TTLL5: variants seen among roughly 807,000 people sequenced by gnomAD.
TTLL5 encodes the protein tubulin polyglutamylase TTLL5.
TTLL5 carries 132 observed loss-of-function variants against 168.4 expected under a neutral mutation model. The ratio of observed to expected loss-of-function variants is 0.78; its 90% CI spans 0.68 to 0.91. The LOEUF is 0.91. Ranked by LOEUF, TTLL5 falls within the 40% of genes least tolerant of loss-of-function variation. TTLL5 has a pLI of 0.00. For missense variants in TTLL5, 1,545 were observed against 1,581.5 expected, an observed-to-expected ratio of 0.98 and a Z score of 0.39; for synonymous variants, 546 against 558.6, an observed-to-expected ratio of 0.98 and a Z score of 0.32.
intron 29 of TTLL5, among the ~76,000 whole-genome samples, chr14:75,874,148 G>T (rs1566640483): frequency 1.3e-5 from 2 of 152,108 alleles, no homozygotes; most frequent in South Asian, 4.1e-4. Flanking sequence ...CTGGGGTGCA[G>T]TGGCTCGATC....
intron 12 of TTLL5, among the ~76,000 whole-genome samples, chr14:75,724,308 T>C (rs1413987783): frequency 6.6e-6 from 1 of 152,244 alleles, no homozygotes; most frequent in East Asian, 1.9e-4. Context: ...TTTATACATT[T>C]AATTTTTCTT....
chr14:75,867,859 C>T (rs564537606), intron 29 of TTLL5, among the ~76,000 whole-genome samples: 3 of 152,042 alleles, frequency 2.0e-5, no homozygotes, highest in Admixed American at 2.0e-4. Flanking sequence ...TATATTGATA[C>T]AGCCCAATGC....
intron 31 of TTLL5, among the ~76,000 whole-genome samples, chr14:75,940,857 T>G (rs2034579372): frequency 6.6e-6 from 1 of 152,238 alleles, no homozygotes; most frequent in South Asian, 2.1e-4. Context: ...TTGTGAGACT[T>G]AAGTATATCT....
chr14:75,711,174 T>C (rs1887050529), intron 9 of TTLL5: 1 of 152,226 alleles, frequency 6.6e-6, no homozygotes, highest in South Asian at 2.1e-4. Context: ...TGTTTTCTCA[T>C]GTGTGGGTAT....
intron 26 of TTLL5, among the ~76,000 whole-genome samples, chr14:75,788,071 A>C (rs932031179): frequency 6.6e-6 from 1 of 152,184 alleles, no homozygotes; most frequent in Non-Finnish European, 1.5e-5. Context: ...GGATTGCTTG[A>C]GCGCAGGAGT....
chr14:75,690,470 C>T lies in TTLL5; in HGVS notation c.502+148C>T, dbSNP rs144978191. 1,541 of 1,014,272 alleles carry T rather than the reference C, an allele frequency of 1.5e-3. 14 individuals carry two copies. In the African/African-American group the frequency reaches 0.021, roughly 14 times the overall value. 62.8% of individuals were successfully genotyped at this position (1,014,272 alleles called of 1,614,324 possible). A position where few individuals can be genotyped will look rare whatever the true frequency, so the allele number is the denominator to read the frequency against. On this transcript the variant is annotated intron_variant, in intron 6 of 31. Transcript: ENST00000298832. ...TTTAGTAAAACAGTTGCAGAGGTAACTTTAAAAACTATTTTTATTCTGATA... is the reference window on the plus strand; with the variant it reads ...TTTAGTAAAACAGTTGCAGAGGTAATTTTAAAAACTATTTTTATTCTGATA...
At chr14:75,878,705 G>A (rs1174738447) in intron 29 of TTLL5, among the ~76,000 whole-genome samples, 1 of 152,226 alleles carries the variant, frequency 6.6e-6, no homozygotes, top group Non-Finnish European at 1.5e-5. Flanking sequence ...CTCCTAGGCA[G>A]TAAGTTCTCC....
chr14:75,676,269 A>C (rs554540778), intron 3 of TTLL5, among the ~76,000 whole-genome samples: 1 of 152,296 alleles, frequency 6.6e-6, no homozygotes, highest in Non-Finnish European at 1.5e-5. Flanking sequence ...GGCCCAGTCA[A>C]GTTGACACAT....
chr14:75,749,435 G>A (rs1889812031), intron 17 of TTLL5, among the ~76,000 whole-genome samples: 1 of 152,138 alleles, frequency 6.6e-6, no homozygotes, highest in Non-Finnish European at 1.5e-5. Context: ...TAAAGTCTAG[G>A]TTGGGGGAAT....
intron 21 of TTLL5, among the ~76,000 whole-genome samples, chr14:75,772,669 CTT>C (rs904209991): frequency 2.1e-4 from 29 of 136,762 alleles, no homozygotes; most frequent in Admixed American, 3.7e-4. Flanking sequence ...CTTCCATATT[CTT>C]TTTTTTTTTT....
At chr14:75,906,795 G>T in intron 31 of TTLL5, 1 of 926,348 alleles carries the variant, frequency 1.1e-6, no homozygotes, top group Non-Finnish European at 1.3e-6. Flanking sequence ...AGTGAAGTTG[G>T]GGCTTTATAA....
intron 31 of TTLL5, among the ~76,000 whole-genome samples, chr14:75,930,173 C>T (rs1041549715): frequency 4.6e-5 from 7 of 152,146 alleles, no homozygotes; most frequent in African/African-American, 1.7e-4. Flanking sequence ...TAATTATGCT[C>T]AGCACAATAC....
intron 11 of TTLL5, among the ~76,000 whole-genome samples, chr14:75,720,219 A>G (rs1267478161): frequency 6.6e-6 from 1 of 152,206 alleles, no homozygotes; most frequent in Non-Finnish European, 1.5e-5. Flanking sequence ...GTTTGAGCAC[A>G]GGGCTTCAAA....
At chr14:75,856,535 T>G (rs937566841) in intron 28 of TTLL5, among the ~76,000 whole-genome samples, 1 of 152,186 alleles carries the variant, frequency 6.6e-6, no homozygotes, top group Admixed American at 6.5e-5. Context: ...CATTAGTGTT[T>G]TATAAATTCA....
intron 30 of TTLL5, among the ~76,000 whole-genome samples, chr14:75,891,803 C>G (rs2032415415): frequency 6.6e-6 from 1 of 152,178 alleles, no homozygotes; most frequent in Non-Finnish European, 1.5e-5. Flanking sequence ...GATTCGGATT[C>G]TGGTTCCTTG....
intron 2 of TTLL5, among the ~76,000 whole-genome samples, chr14:75,665,512 T>C (rs1197065933): frequency 6.6e-6 from 1 of 152,208 alleles, no homozygotes; most frequent in Non-Finnish European, 1.5e-5. Context: ...TGATCACATG[T>C]GATCTAGGGG....
chr14:75,870,836 C>T (rs573513626), intron 29 of TTLL5, among the ~76,000 whole-genome samples: 7 of 150,170 alleles, frequency 4.7e-5, no homozygotes, highest in African/African-American at 1.7e-4. Context: ...TGCTCTGTCG[C>T]CCAGCTGGAG....
intron 18 of TTLL5, among the ~76,000 whole-genome samples, chr14:75,761,565 A>C (rs1025903309): frequency 6.6e-6 from 1 of 152,334 alleles, no homozygotes. Flanking sequence ...ATGCTGAGTG[A>C]AAGAAGCCTT....
chr14:75,919,211 A>AAAAAAAAAAAGG (rs1566660254), intron 31 of TTLL5, among the ~76,000 whole-genome samples: 1 of 150,304 alleles, frequency 6.7e-6, no homozygotes, highest in Non-Finnish European at 1.5e-5. Context: ...AAAAAAAAAA[A>AAAAAAAAAAAGG]AAAAAAAAAA....
Sources: allele counts gnomAD v4.1 joint callset (sites outside exome capture counted in the v4.1 genomes callset), GRCh38; gene constraint gnomAD v4.1.1; transcripts MANE v1.5; gene names NCBI Gene and HGNC (gene_info 2026-07-23, HGNC 2026-07-21).